Variants in SPATA12 observed in about 807,000 individuals in gnomAD.
SPATA12 encodes the protein spermatogenesis associated 12.
For synonymous variants in SPATA12, 85 were observed against 89.2 expected (o/e 0.95, Z 0.26); for missense variants, 219 against 226.4 (o/e 0.97, Z 0.21).
intron 1 of SPATA12, among the ~76,000 whole-genome samples, chr3:57,065,897 G>T (rs1705500533): frequency 6.6e-6 from 1 of 152,106 alleles, no homozygotes; most frequent in Non-Finnish European, 1.5e-5. Flanking sequence ...TTAGGCCCAT[G>T]AACTCTCAGG....
At chr3:57,065,988 G>A (rs1705504669) in intron 1 of SPATA12, among the ~76,000 whole-genome samples, 1 of 151,992 alleles carries the variant, frequency 6.6e-6, no homozygotes, top group Non-Finnish European at 1.5e-5. Context: ...GGCTGAGGCA[G>A]GAGGATCACT....
At chr3:57,062,487 C>G (rs189353942) in intron 1 of SPATA12, among the ~76,000 whole-genome samples, 5 of 152,140 alleles carry the variant, frequency 3.3e-5, no homozygotes, top group Non-Finnish European at 5.9e-5. Context: ...CATGGGGAAG[C>G]CTTTCAGAGA....
Position 57,074,021 on chromosome 3 carries a change from A to G in SPATA12, c.327A>G (p.Pro109=), listed in dbSNP as rs756952060. ...TTCTGGGAAGACCCTCTTCACCTCC[A>G]GCTCTCCTGATACAGCAAGGCAGTT... ...INLLGRPSSP[P]ALLIQQGSCE... The change falls in exon 2 of 2, where the codon CCA becomes CCG. Residue 109 remains proline, a synonymous_variant. Coordinates refer to ENST00000334325, the MANE Select transcript of SPATA12 (RefSeq NM_181727.2). 6.2e-7 allele frequency: 1 copy of G among 1,614,186 alleles called. No individual in the cohort carries two copies. The highest frequency in any genetic ancestry group is 1.1e-5 in the South Asian group (1 of 91,074).
chr3:57,074,095 A>G lies in SPATA12; in HGVS notation c.401A>G (p.Asp134Gly), dbSNP rs375310176. Residue 134 changes from aspartate to glycine, a missense_variant, in exon 2 of 2, where the codon GAT becomes GGT. Physicochemically the swap from Asp to Gly is moderately conservative, Grantham distance 94 (BLOSUM62 -1). Transcript: ENST00000334325. ...NSTPQFLGME[D>G]GDNERTTGWL... ...ACACCTCAATTTCTTGGTATGGAAG[A>G]TGGGGATAATGAGAGGACCACAGGA... The G allele has an allele frequency of 1.1e-5, 17 of 1,613,998 alleles. No homozygotes were observed. The Middle Eastern group carries it at 4.9e-4, about 47-fold the overall frequency.
chr3:57,068,556 T>C (rs1014443827), intron 1 of SPATA12, among the ~76,000 whole-genome samples: 16 of 152,260 alleles, frequency 1.1e-4, no homozygotes, highest in African/African-American at 3.6e-4. Flanking sequence ...ACACATGAAA[T>C]GTGAGTGATT....
chr3:57,062,041 T>TA (rs1417975988), intron 1 of SPATA12, among the ~76,000 whole-genome samples: 6 of 151,782 alleles, frequency 4.0e-5, no homozygotes, highest in African/African-American at 9.7e-5. Flanking sequence ...AAGGATCAAG[T>TA]AAAAAAAGAG....
rs769565522 is a variant in SPATA12 at position 57,074,501 on chromosome 3, A to C, written c.*234A>C. Reference sequence around the variant, plus strand: ...TAAGTTACTGGCACAAGGTCACACAATCCAGATCTCATACTCTTAGCCCCC... The same window carrying C: ...TAAGTTACTGGCACAAGGTCACACACTCCAGATCTCATACTCTTAGCCCCC... On this transcript the variant is annotated 3_prime_UTR_variant, in exon 2 of 2. Transcript: ENST00000334325. 3.0e-5 allele frequency: 17 copies of C among 559,588 alleles called. No individual in the cohort carries two copies. The highest frequency in any genetic ancestry group is 4.9e-5 in the Non-Finnish European group (15 of 306,650). 34.7% of individuals were successfully genotyped at this position (559,588 alleles called of 1,614,324 possible).
At chr3:57,062,447 ACGGCGG>A (rs1422020576) in intron 1 of SPATA12, among the ~76,000 whole-genome samples, 3 of 152,198 alleles carry the variant, frequency 2.0e-5, no homozygotes, top group African/African-American at 7.2e-5. Context: ...GCTCAGGAGC[ACGGCGG>A]CGGGGGCGGG....
chr3:57,065,760 G>C (rs963717873), intron 1 of SPATA12, among the ~76,000 whole-genome samples: 1 of 152,138 alleles, frequency 6.6e-6, no homozygotes, highest in South Asian at 2.1e-4. Context: ...GGTAGCCTGC[G>C]GAACAGGAGA....
intron 1 of SPATA12, among the ~76,000 whole-genome samples, chr3:57,068,753 C>T (rs116082788): frequency 2.6e-5 from 4 of 152,252 alleles, no homozygotes; most frequent in Non-Finnish European, 4.4e-5. Flanking sequence ...AACTGTGTAA[C>T]GTGCTTCCTT....
At chr3:57,062,233 G>A (rs2107351016) in intron 1 of SPATA12, among the ~76,000 whole-genome samples, 1 of 152,272 alleles carries the variant, frequency 6.6e-6, no homozygotes, top group East Asian at 1.9e-4. Context: ...CCACACTCTG[G>A]GCCTGTCCTC....
intron 1 of SPATA12, among the ~76,000 whole-genome samples, chr3:57,067,988 T>C (rs1266094160): frequency 6.7e-6 from 1 of 149,760 alleles, no homozygotes; most frequent in Non-Finnish European, 1.5e-5. Context: ...AGACTCCGTC[T>C]CAAAAAAAAC....
intron 1 of SPATA12, among the ~76,000 whole-genome samples, chr3:57,068,937 T>TC (rs1217848771): frequency 6.6e-6 from 1 of 151,380 alleles, no homozygotes; most frequent in Non-Finnish European, 1.5e-5. Flanking sequence ...TTTTTTTTTT[T>TC]CTGAGACCGA....
chr3:57,065,414 T>C (rs1705472809), intron 1 of SPATA12, among the ~76,000 whole-genome samples: 1 of 151,848 alleles, frequency 6.6e-6, no homozygotes, highest in South Asian at 2.1e-4. Flanking sequence ...TAAGCTGAGA[T>C]TATGTCACTG....
intron 1 of SPATA12, among the ~76,000 whole-genome samples, chr3:57,063,211 T>G (rs1238949536): frequency 6.6e-6 from 1 of 151,472 alleles, no homozygotes. Flanking sequence ...GTGGCTAGAG[T>G]GCGGTTATGA....
chr3:57,070,388 A>T (rs1705818792), intron 1 of SPATA12, among the ~76,000 whole-genome samples: 1 of 152,224 alleles, frequency 6.6e-6, no homozygotes. Context: ...AAAAGGAAAG[A>T]GACATTTACA....
At chr3:57,068,427 T>C (rs540072245) in intron 1 of SPATA12, among the ~76,000 whole-genome samples, 22 of 152,320 alleles carry the variant, frequency 1.4e-4, no homozygotes, top group African/African-American at 4.3e-4. Context: ...TTAAGAGTCA[T>C]TGCACCTCCC....
intron 1 of SPATA12, among the ~76,000 whole-genome samples, chr3:57,061,496 T>C (rs1386599255): frequency 6.6e-6 from 1 of 152,162 alleles, no homozygotes; most frequent in African/African-American, 2.4e-5. Flanking sequence ...TAAATAATAT[T>C]CCATTGTATG....
In SPATA12 at chr3:57,074,980, C is replaced by G. The variant is rs1706142162; in HGVS notation, c.*713C>G. On this transcript the variant is annotated 3_prime_UTR_variant, in exon 2 of 2. Coordinates refer to ENST00000334325, the MANE Select transcript of SPATA12 (RefSeq NM_181727.2). ...AGGAGGAGAGTTCTGCCTACATTGT[C>G]TCATTTTCCCTCCCCTTCTGCAGTG... 1 of 167,272 alleles carries G rather than the reference C, an allele frequency of 6.0e-6. No individual in the cohort carries two copies. The highest frequency in any genetic ancestry group is 2.4e-5 in the African/African-American group (1 of 41,468). The allele number at this position is 167,272 out of a possible 1,614,324, so 10.4% of individuals were successfully genotyped here.
Sources: gnomAD v4.1 joint callset for allele counts (sites outside exome capture counted in the v4.1 genomes callset) on GRCh38, gnomAD v4.1.1 for gene constraint, MANE v1.5 for transcripts, NCBI Gene and HGNC (gene_info 2026-07-23, HGNC 2026-07-21) for gene names.